The following ZNF462 variants were observed in gnomAD, a reference collection of about 807,000 sequenced individuals.
The protein encoded by ZNF462 is zinc finger protein 462, also known as zinc finger PBX1-interacting protein.
ZNF462 carries 10 observed loss-of-function variants against 201.9 expected under a neutral mutation model. The observed-to-expected ratio is 0.05, with a 90% CI of 0.03 to 0.08. The LOEUF (loss-of-function observed/expected upper bound fraction) is 0.08, where lower values mean the gene tolerates loss of function less well. Ranked by LOEUF, ZNF462 falls within the 10% of genes least tolerant of loss-of-function variation. The pLI is 1.00. For missense variants in ZNF462, 2,523 were observed against 3,168.3 expected (o/e 0.80, Z 4.89); for synonymous variants, 1,227 against 1,193.3 (o/e 1.03, Z -0.58).
chr9:106,943,580 C>T (rs1397023951), intron 7 of ZNF462, among the ~76,000 whole-genome samples: 2 of 152,178 alleles, frequency 1.3e-5, no homozygotes, highest in African/African-American at 4.8e-5. Flanking sequence ...CTGTCTGCTT[C>T]TCTCTACTAG....
rs183271266 is a variant in ZNF462 at position 106,870,854 on chromosome 9, G to A, written c.-31+7499G>A. 2.0e-3 allele frequency among the ~76,000 whole-genome samples: 300 copies of A among 152,224 alleles called. 3 individuals are homozygous for A. The highest frequency in any genetic ancestry group is 9.3e-4 in the Non-Finnish European group (63 of 68,004). On this transcript the variant is annotated intron_variant, in intron 1 of 12. Transcript: ENST00000277225. This position sits in a 1 kb window ranked among gnomAD's most constrained non-coding sequence, Gnocchi z 4.3. ...AGGCCAAACTCACTCTTAAGTTCTC[G>A]TCTGAGCAGTTGAACCAGAACACAC...
chr9:106,984,223 A>G lies in ZNF462; in HGVS notation c.6870A>G (p.Lys2290=), dbSNP rs1210033727. 6.2e-7 allele frequency: 1 copy of G among 1,613,984 alleles called. No homozygotes were observed. Among genetic ancestry groups the G allele is most frequent in the South Asian group, 1.1e-5 (1 of 91,066 alleles). ...RVVPIEVCRS[K]LSKYLQGVVF... ...TCCCCATTGAAGTTTGCCGGTCCAA[A>G]CTGTCCAAATACTTGCAGGGAGTAG... is the stretch of plus-strand genomic sequence containing the variant. The change falls in exon 10 of 13, where the codon AAA becomes AAG. Residue 2290 remains lysine (K), a synonymous_variant. Transcript: ENST00000277225. This position sits in a 1 kb window ranked among gnomAD's most constrained non-coding sequence, Gnocchi z 6.4.
intron 1 of ZNF462, among the ~76,000 whole-genome samples, chr9:106,893,827 C>A (rs1370735807): frequency 6.6e-6 from 1 of 152,176 alleles, no homozygotes; most frequent in Non-Finnish European, 1.5e-5. Context: ...GTAACTTGCA[C>A]ACTTGTACTA....
rs558097120 is a variant in ZNF462, at chr9:106,891,327, T to A, written c.-31+27972T>A. ...TTCCAAAATAATTTTTATTCATGTC[T>A]GCGTTTTCTTTGTTTTCCCCCTGAG... On this transcript the variant is annotated intron_variant, in intron 1 of 12. Transcript: ENST00000277225. Among the ~76,000 whole-genome samples the A allele has an allele frequency of 3.3e-5, 5 of 152,342 alleles. No homozygotes were observed. In the South Asian group the frequency reaches 1.0e-3, roughly 32 times the overall value.
chr9:106,992,559 G>A (rs1315514750), intron 10 of ZNF462, among the ~76,000 whole-genome samples: 1 of 152,100 alleles, frequency 6.6e-6, no homozygotes, highest in African/African-American at 2.4e-5. Flanking sequence ...AAAAGAATGA[G>A]CTATTGATAC....
rs776249470 is a variant in ZNF462 at position 107,010,926 on chromosome 9, G to A, written c.7417G>A (p.Glu2473Lys). Residue 2473 changes from glutamate to lysine, a missense_variant, in exon 13 of 13, where the codon GAG becomes AAG. Physicochemically the swap from Glu to Lys is moderately conservative, Grantham distance 56. Coordinates refer to ENST00000277225, the MANE Select transcript of ZNF462 (RefSeq NM_021224.6). The surrounding 1 kb of genome is among the most constrained non-coding windows in gnomAD (Gnocchi z 4.6). Reference protein sequence around the residue: ...MPSIEEKEDDEAIGIDFSLKN... With the variant: ...MPSIEEKEDDKAIGIDFSLKN... Reference sequence around the variant, plus strand: ...CTCCATAGAGGAAAAGGAAGATGACGAGGCCATTGGGATAGACTTTTCCCT... The same window carrying A: ...CTCCATAGAGGAAAAGGAAGATGACAAGGCCATTGGGATAGACTTTTCCCT... 9 of 1,613,724 alleles carry A rather than the reference G, an allele frequency of 5.6e-6. No homozygotes were observed. Among genetic ancestry groups the A allele is most frequent in the South Asian group, 1.1e-5 (1 of 91,066 alleles).
At chr9:106,901,104 C>T (rs2131182595) in intron 1 of ZNF462, among the ~76,000 whole-genome samples, 1 of 152,264 alleles carries the variant, frequency 6.6e-6, no homozygotes, top group East Asian at 1.9e-4. Context: ...CTACAAGTGG[C>T]TAACCAGTTA....
intron 6 of ZNF462, among the ~76,000 whole-genome samples, chr9:106,936,864 T>C (rs1028636718): frequency 1.3e-5 from 2 of 152,196 alleles, no homozygotes; most frequent in Non-Finnish European, 2.9e-5. Context: ...CTGAAGTGTC[T>C]GCTCTTGGAA....
rs1829454549 is a variant in ZNF462, at chr9:107,005,021, T to C, written c.7189+1595T>C. 6.6e-6 allele frequency among the ~76,000 whole-genome samples: 1 copy of C among 152,288 alleles called. No homozygotes were observed. The highest frequency in any genetic ancestry group is 2.4e-5 in the African/African-American group (1 of 41,574). On this transcript the variant is annotated intron_variant, in intron 11 of 12. Coordinates refer to ENST00000277225, the MANE Select transcript of ZNF462 (RefSeq NM_021224.6). This position sits in a 1 kb window ranked among gnomAD's most constrained non-coding sequence, Gnocchi z 4.4. ...CTTAATGTAATGTTCTACAAGTTTA[T>C]CTATGTTGTCACAAATGACAGGATT...
intron 1 of ZNF462, among the ~76,000 whole-genome samples, chr9:106,900,656 T>A (rs1454883913): frequency 6.6e-6 from 1 of 152,252 alleles, no homozygotes; most frequent in African/African-American, 2.4e-5. Flanking sequence ...TTGAGCATTT[T>A]TTCATGTTTG....
In ZNF462 at chr9:106,924,173, C is replaced by T; in HGVS notation, c.261C>T (p.Gly87=). The change falls in exon 3 of 13, where the codon GGC becomes GGT. Residue 87 remains glycine, a synonymous_variant. Transcript: ENST00000277225. This position sits in a 1 kb window ranked among gnomAD's most constrained non-coding sequence, Gnocchi z 6.2. ...ATSLGTGGYY[G]HSPGYYGQHI... The stretch of plus-strand genomic sequence containing the variant: ...CATTGGGGACCGGAGGTTACTATGG[C>T]CACAGTCCAGGATATTATGGTCAGC... 6.2e-7 allele frequency: 1 copy of T among 1,612,024 alleles called. No individual in the cohort carries two copies. The highest frequency in any genetic ancestry group is 8.5e-7 in the Non-Finnish European group (1 of 1,179,486).
rs1213221817 is a variant in ZNF462, at chr9:107,011,660, A to AG, written c.*631dup. 1 of 152,108 alleles carries AG rather than the reference A, an allele frequency of 6.6e-6. No homozygotes were observed. Among genetic ancestry groups the AG allele is most frequent in the East Asian group, 1.9e-4 (1 of 5,196 alleles). The allele number at this position is 152,108 out of a possible 1,614,324, so 9.4% of individuals were successfully genotyped here. ...AACTGCTGGGCAAGATGGTGAATGG[A>AG]GAAAAAAAAAGAGTTTTAAAGAAAG... is the stretch of plus-strand genomic sequence containing the variant. On this transcript the variant is annotated 3_prime_UTR_variant, in exon 13 of 13. Coordinates refer to ENST00000277225, the MANE Select transcript of ZNF462 (RefSeq NM_021224.6). The surrounding 1 kb of genome is among the most constrained non-coding windows in gnomAD (Gnocchi z 5.6).
At chr9:107,000,856 C>T (rs545588418) in intron 10 of ZNF462, among the ~76,000 whole-genome samples, 18 of 152,222 alleles carry the variant, frequency 1.2e-4, no homozygotes, top group African/African-American at 4.3e-4. Context: ...GACAGATCTC[C>T]TTCTGTCACC....
chr9:106,873,334 A>C (rs572168547), intron 1 of ZNF462, among the ~76,000 whole-genome samples: 2 of 152,182 alleles, frequency 1.3e-5, no homozygotes, highest in Non-Finnish European at 2.9e-5. Flanking sequence ...GGGACACTTT[A>C]GGAAATAAAC....
At chr9:106,861,177 G>A (rs566316748), upstream of ZNF462, among the ~76,000 whole-genome samples, 10 of 152,160 alleles carry the variant, frequency 6.6e-5, no homozygotes, top group Non-Finnish European at 1.3e-4. Context: ...GGCAGGAAGT[G>A]TTGACTGGAA....
rs1831953160 is a variant in ZNF462, at chr9:106,963,899, T to G, written c.6428-8106T>G. On this transcript the variant is annotated intron_variant, in intron 7 of 12. Coordinates refer to ENST00000277225, the MANE Select transcript of ZNF462 (RefSeq NM_021224.6). This position sits in a 1 kb window ranked among gnomAD's most constrained non-coding sequence, Gnocchi z 4.7. ...CATTCTACTGTCTGTCTGTATGGGTTTGACTGCTCTAGGTGCCTCATGGAA... is the reference window on the plus strand; with the variant it reads ...CATTCTACTGTCTGTCTGTATGGGTGTGACTGCTCTAGGTGCCTCATGGAA... Among the ~76,000 whole-genome samples, 2 of 152,076 alleles carry G rather than the reference T, an allele frequency of 1.3e-5. No individual in the cohort carries two copies. Among genetic ancestry groups the G allele is most frequent in the African/African-American group, 4.8e-5 (2 of 41,430 alleles).
chr9:106,863,568 GGAGGAGGAA>G (rs1827151311), intron 1 of ZNF462, among the ~76,000 whole-genome samples: 1 of 151,188 alleles, frequency 6.6e-6, no homozygotes, highest in Non-Finnish European at 1.5e-5. Flanking sequence ...AGCAGGAGGG[GGAGGAGGAA>G]GAGGAGGAGG....
chr9:106,882,977 T>G (rs1320272857), intron 1 of ZNF462, among the ~76,000 whole-genome samples: 1 of 152,202 alleles, frequency 6.6e-6, no homozygotes, highest in African/African-American at 2.4e-5. Context: ...ACCAGGATGA[T>G]AGTCATGTTC....
chr9:106,927,411 C>A lies in ZNF462; in HGVS notation c.3499C>A (p.Pro1167Thr), dbSNP rs1447261024. Reference protein sequence around the residue: ...MRGVEGPQGSPRPPAPIQQLN... With the variant: ...MRGVEGPQGSTRPPAPIQQLN... ...AGGGGTCGAAGGGCCCCAAGGCTCC[C>A]CCCGGCCACCCGCCCCCATACAACA... The change falls in exon 3 of 13, where the codon CCC (proline) becomes ACC (threonine). Residue 1167 changes from proline (P) to threonine (T), a missense_variant. This residue lies in a region of ZNF462 where 222 missense variants were observed against 271.6 expected (regional missense o/e 0.82). Coordinates refer to ENST00000277225, the MANE Select transcript of ZNF462 (RefSeq NM_021224.6). 6.2e-7 allele frequency: 1 copy of A among 1,614,040 alleles called. No homozygotes were observed. Among genetic ancestry groups the A allele is most frequent in the South Asian group, 1.1e-5 (1 of 91,062 alleles).
Sources: allele counts gnomAD v4.1 joint callset (sites outside exome capture counted in the v4.1 genomes callset), GRCh38; gene constraint gnomAD v4.1.1; regional missense constraint gnomAD v4.1.1; non-coding constraint Gnocchi (gnomAD v3.1); transcripts MANE v1.5; gene names NCBI Gene and HGNC (gene_info 2026-07-23, HGNC 2026-07-21).